DAB2IP: variants seen among roughly 807,000 people sequenced by gnomAD.
DAB2IP encodes the protein DAB2 interacting protein.
A neutral mutation model predicts 107.2 loss-of-function variants in DAB2IP; 28 were observed. The observed-to-expected ratio is 0.26, with a 90% confidence interval of 0.19 to 0.36. The LOEUF (loss-of-function observed/expected upper bound fraction) is 0.36, where lower values mean the gene tolerates loss of function less well. Among genes scored for constraint, DAB2IP ranks in the 10% least tolerant of loss-of-function variants. The pLI is 1.00. For missense variants in DAB2IP, 1,400 were observed against 1,644.7 expected (o/e 0.85, Z 2.57); for synonymous variants, 755 against 706.4 (o/e 1.07, Z -1.09).
chr9:121,609,276 T>C (rs1831000408), intron 1 of DAB2IP, among the ~76,000 whole-genome samples: 4 of 152,192 alleles, frequency 2.6e-5, no homozygotes, highest in African/African-American at 9.7e-5. Flanking sequence ...CTCCTGGTTG[T>C]CCATCTGTCT....
At chr9:121,595,461 G>C (rs924715904) in intron 1 of DAB2IP, among the ~76,000 whole-genome samples, 1 of 151,792 alleles carries the variant, frequency 6.6e-6, no homozygotes, top group African/African-American at 2.4e-5. Context: ...AAATTAGCCC[G>C]CCATGGTGGC....
chr9:121,742,288 G>A (rs1442300881), intron 3 of DAB2IP, among the ~76,000 whole-genome samples: 1 of 152,208 alleles, frequency 6.6e-6, no homozygotes, highest in Admixed American at 6.5e-5. Context: ...AATTAGCCAG[G>A]TGTGGTGGCC....
At chr9:121,734,613 G>T (rs1831762771) in intron 3 of DAB2IP, among the ~76,000 whole-genome samples, 1 of 152,182 alleles carries the variant, frequency 6.6e-6, no homozygotes, top group Non-Finnish European at 1.5e-5. Flanking sequence ...GCCCTGTTAT[G>T]GGGCCCTGTT....
At chr9:121,607,957 G>C (rs555576578) in intron 1 of DAB2IP, among the ~76,000 whole-genome samples, 3 of 152,374 alleles carry the variant, frequency 2.0e-5, no homozygotes, top group African/African-American at 7.2e-5. Flanking sequence ...GCCCTGGCCA[G>C]AGCAGGGACC....
intron 1 of DAB2IP, among the ~76,000 whole-genome samples, chr9:121,593,621 T>TC (rs1564688774): frequency 3.3e-5 from 5 of 150,840 alleles, no homozygotes; most frequent in South Asian, 2.1e-4. Context: ...TTTCTTTCTT[T>TC]ATTAGTTTTA....
intron 1 of DAB2IP, among the ~76,000 whole-genome samples, chr9:121,618,429 C>T (rs921161607): frequency 3.5e-4 from 53 of 151,860 alleles, no homozygotes; most frequent in African/African-American, 9.4e-4. Flanking sequence ...GGCACAACCT[C>T]GGCTGACTGC....
At chr9:121,567,549 A>G (rs548828) in intron 1 of DAB2IP, among the ~76,000 whole-genome samples, 106,171 of 152,210 alleles carry the variant, frequency 0.7, 38,111 homozygotes, top group African/African-American at 0.88. Context: ...CTGTCTGCCT[A>G]CCTCGCTGTT....
intron 1 of DAB2IP, among the ~76,000 whole-genome samples, chr9:121,626,096 A>G (rs1281645199): frequency 6.6e-6 from 1 of 152,216 alleles, no homozygotes; most frequent in Non-Finnish European, 1.5e-5. Flanking sequence ...AAGGGCAGGC[A>G]GAATTATGAT....
intron 1 of DAB2IP, among the ~76,000 whole-genome samples, chr9:121,642,430 C>T (rs1313625711): frequency 6.6e-6 from 1 of 151,672 alleles, no homozygotes; most frequent in Non-Finnish European, 1.5e-5. Flanking sequence ...ATCCACCCAC[C>T]TCAGCCTCCC....
In DAB2IP at chr9:121,760,218, A is replaced by G. The variant is rs1265956656; in HGVS notation, c.949A>G (p.Asn317Asp). The change falls in exon 6 of 16, where the codon AAC (asparagine) becomes GAC (aspartate). Residue 317 changes from asparagine (N) to aspartate (D), a missense_variant. By Grantham distance (23) the Asn-to-Asp change is conservative. Transcript: ENST00000408936. This position sits in a 1 kb window ranked among gnomAD's most constrained non-coding sequence, Gnocchi z 5.9. ...GAAGTGGTACCCGGTGGTGACGCCC[A>G]ACCCCAAGGGCGGCAAGGGCCCTGG... The G allele has an allele frequency of 6.2e-7, 1 of 1,613,704 alleles. No individual in the cohort carries two copies. Among genetic ancestry groups the G allele is most frequent in the Admixed American group, 1.7e-5 (1 of 60,024 alleles).
exon 16 of DAB2IP, chr9:121,784,830 G>T: frequency 6.5e-6 from 1 of 153,422 alleles, no homozygotes; most frequent in Non-Finnish European, 1.5e-5. Context: ...GCTGCTGTCT[G>T]AGTAGTGGCC....
chr9:121,713,103 C>G (rs934953858), intron 3 of DAB2IP, among the ~76,000 whole-genome samples: 3 of 152,202 alleles, frequency 2.0e-5, no homozygotes, highest in African/African-American at 7.2e-5. Context: ...GGCCCTCACA[C>G]CAGCTAGGAA....
chr9:121,672,026 C>T (rs1206362957), intron 1 of DAB2IP, among the ~76,000 whole-genome samples: 2 of 152,234 alleles, frequency 1.3e-5, no homozygotes, highest in Admixed American at 1.3e-4. Flanking sequence ...GCCCTTTTCA[C>T]TCCATCAGCA....
At chr9:121,746,564 G>C (rs1465079189) in intron 3 of DAB2IP, among the ~76,000 whole-genome samples, 1 of 152,112 alleles carries the variant, frequency 6.6e-6, no homozygotes, top group African/African-American at 2.4e-5. Flanking sequence ...CAACATGAAT[G>C]GCCCACCTGG....
intron 3 of DAB2IP, among the ~76,000 whole-genome samples, chr9:121,738,157 A>T (rs745405840): frequency 1.3e-5 from 2 of 152,188 alleles, no homozygotes; most frequent in Non-Finnish European, 2.9e-5. Flanking sequence ...ACCTAGGCTC[A>T]GGGAACCAGC....
chr9:121,628,520 T>A (rs1410246776), intron 1 of DAB2IP, among the ~76,000 whole-genome samples: 2 of 152,224 alleles, frequency 1.3e-5, no homozygotes, highest in African/African-American at 4.8e-5. Flanking sequence ...TGGTGGCCAC[T>A]GCTGACAGCT....
intron 3 of DAB2IP, among the ~76,000 whole-genome samples, chr9:121,755,897 G>A (rs1007302205): frequency 8.5e-5 from 13 of 152,216 alleles, no homozygotes; most frequent in Admixed American, 5.2e-4. Context: ...TTGGTTTGGC[G>A]AGGCAGGGAG....
chr9:121,689,641 C>A (rs73664508), intron 2 of DAB2IP, among the ~76,000 whole-genome samples: 14,336 of 152,052 alleles, frequency 0.094, 1,669 homozygotes, highest in African/African-American at 0.28. Context: ...CCTTGGGGCC[C>A]CCCGGGCCAG....
intron 2 of DAB2IP, among the ~76,000 whole-genome samples, chr9:121,694,553 G>C (rs1010912784): frequency 2.0e-5 from 3 of 152,108 alleles, no homozygotes; most frequent in African/African-American, 7.2e-5. Context: ...GGACCTTCTG[G>C]AGAAGCAGCA....
Sources: allele counts gnomAD v4.1 joint callset (sites outside exome capture counted in the v4.1 genomes callset), GRCh38; gene constraint gnomAD v4.1.1; non-coding constraint Gnocchi (gnomAD v3.1); transcripts MANE v1.5; gene names NCBI Gene and HGNC (gene_info 2026-07-23, HGNC 2026-07-21).